The following EPB41L4A variants were observed in gnomAD, a reference collection of about 807,000 sequenced individuals.
EPB41L4A encodes band 4.1-like protein 4A.
EPB41L4A carries 100 observed loss-of-function variants against 108.6 expected under a neutral mutation model. The ratio of observed to expected loss-of-function variants is 0.92; its 90% confidence interval spans 0.78 to 1.09. EPB41L4A has a LOEUF of 1.09. Ranked by LOEUF, EPB41L4A falls within the 50% of genes least tolerant of loss-of-function variation. The pLI, the probability that EPB41L4A is intolerant of heterozygous loss-of-function variation, is 0.00. For synonymous variants in EPB41L4A, 319 were observed against 289.0 expected, an observed-to-expected ratio of 1.10 and a Z score of -1.05; for missense variants, 1,030 against 842.7, an observed-to-expected ratio of 1.22 and a Z score of -2.75.
chr5:112,418,049 CG>C (rs368012922), intron 1 of EPB41L4A, among the ~76,000 whole-genome samples: 6 of 149,840 alleles, frequency 4.0e-5, no homozygotes, highest in Admixed American at 1.3e-4. Context: ...AGAGCGGGGG[CG>C]GGGGGGCGGT....
At chr5:112,232,158 T>C (rs1580485767) in intron 12 of EPB41L4A, among the ~76,000 whole-genome samples, 1 of 149,496 alleles carries the variant, frequency 6.7e-6, no homozygotes, top group East Asian at 2.0e-4. Context: ...GAGATCCACC[T>C]GATGCTGGGA....
intron 1 of EPB41L4A, among the ~76,000 whole-genome samples, chr5:112,391,815 A>C (rs1760962898): frequency 6.6e-6 from 1 of 152,182 alleles, no homozygotes; most frequent in African/African-American, 2.4e-5. Flanking sequence ...AAAAATGTTA[A>C]GGGCAGTCAG....
intron 1 of EPB41L4A, among the ~76,000 whole-genome samples, chr5:112,356,920 T>A (rs759574973): frequency 2.0e-5 from 3 of 152,204 alleles, no homozygotes; most frequent in African/African-American, 7.2e-5. Flanking sequence ...TAAAATAAAA[T>A]AGACACAATA....
At chr5:112,229,904 T>A (rs1748747702) in intron 12 of EPB41L4A, among the ~76,000 whole-genome samples, 2 of 148,972 alleles carry the variant, frequency 1.3e-5, no homozygotes, top group African/African-American at 5.0e-5. Context: ...AGGAGAATGG[T>A]GTGAACCCAG....
intron 1 of EPB41L4A, among the ~76,000 whole-genome samples, chr5:112,374,953 G>C (rs1335099388): frequency 2.0e-5 from 3 of 152,086 alleles, no homozygotes; most frequent in Non-Finnish European, 2.9e-5. Context: ...TCAACATTCA[G>C]GTTCTCTTTG....
intron 9 of EPB41L4A, among the ~76,000 whole-genome samples, chr5:112,255,212 T>C (rs1037603775): frequency 2.1e-5 from 3 of 145,484 alleles, no homozygotes; most frequent in Non-Finnish European, 3.0e-5. Context: ...TTTCTGTTTA[T>C]TTCCCTTGTG....
intron 2 of EPB41L4A, among the ~76,000 whole-genome samples, chr5:112,305,309 A>G (rs1754615650): frequency 6.6e-6 from 1 of 152,156 alleles, no homozygotes; most frequent in African/African-American, 2.4e-5. Flanking sequence ...TGATGGTGGT[A>G]ATAATGGAGA....
intron 12 of EPB41L4A, among the ~76,000 whole-genome samples, chr5:112,154,927 A>G (rs993834473): frequency 6.6e-6 from 1 of 152,204 alleles, no homozygotes; most frequent in South Asian, 2.1e-4. Flanking sequence ...GTAAGGAACA[A>G]CTTCCTAACA....
At chr5:112,280,018 C>A (rs1252795241) in intron 3 of EPB41L4A, among the ~76,000 whole-genome samples, 1 of 152,158 alleles carries the variant, frequency 6.6e-6, no homozygotes, top group Non-Finnish European at 1.5e-5. Flanking sequence ...AGAAAAACCA[C>A]AGACAAAATC....
chr5:112,401,276 T>C (rs1264617975), intron 1 of EPB41L4A, among the ~76,000 whole-genome samples: 1 of 152,110 alleles, frequency 6.6e-6, no homozygotes, highest in Non-Finnish European at 1.5e-5. Context: ...CAGCAGACCT[T>C]CAGAGCTAGA....
At chr5:112,396,017 C>T (rs1359787281) in intron 1 of EPB41L4A, among the ~76,000 whole-genome samples, 2 of 152,092 alleles carry the variant, frequency 1.3e-5, no homozygotes, top group African/African-American at 2.4e-5. Flanking sequence ...CCAAACACCA[C>T]ATGTTCTCAC....
At chr5:112,308,821 T>G (rs1246745359) in intron 1 of EPB41L4A, among the ~76,000 whole-genome samples, 1 of 151,692 alleles carries the variant, frequency 6.6e-6, no homozygotes, top group Admixed American at 6.5e-5. Flanking sequence ...ATTCATTTGA[T>G]GAGAGTATAT....
chr5:112,262,752 T>A (rs1361282685), intron 6 of EPB41L4A, among the ~76,000 whole-genome samples, 171 bp from the exon 7 acceptor site: 6 of 152,260 alleles, frequency 3.9e-5, no homozygotes. Flanking sequence ...CAAAATTTTA[T>A]ACTCTGAAGT....
At position 112,280,268 on chromosome 5, in the gene EPB41L4A, C is replaced by T; in HGVS notation, c.256+4G>A. On this transcript the variant is annotated splice_donor_region_variant and intron_variant, in intron 3 of 22. Transcript: ENST00000261486. ...CTTTAACAAAGTAAAAGCTAAATAC[C>T]TACTGTTGATCAGTTCTTTGTGTTC... is the stretch of plus-strand genomic sequence containing the variant. The T allele has an allele frequency of 1.2e-6, 2 of 1,613,436 alleles. No homozygotes were observed. The highest frequency in any genetic ancestry group is 1.7e-6 in the Non-Finnish European group (2 of 1,179,406).
intron 1 of EPB41L4A, among the ~76,000 whole-genome samples, chr5:112,318,531 A>C (rs1270193376): frequency 6.6e-6 from 1 of 152,212 alleles, no homozygotes. Flanking sequence ...CAGGCCTGTG[A>C]ATGAACACAT....
chr5:112,176,466 C>G (rs868444026), intron 18 of EPB41L4A, among the ~76,000 whole-genome samples: 25 of 152,092 alleles, frequency 1.6e-4, no homozygotes, highest in African/African-American at 5.5e-4. Flanking sequence ...TCTCTCCCCC[C>G]CAAAACATTC....
chr5:112,210,512 G>C (rs1284288187), intron 12 of EPB41L4A, among the ~76,000 whole-genome samples: 4 of 152,156 alleles, frequency 2.6e-5, no homozygotes, highest in African/African-American at 9.7e-5. Context: ...ATTTTCAAAT[G>C]TGTTCTTCAT....
At position 112,275,321 on chromosome 5, in the gene EPB41L4A, T is replaced by G. The variant is rs1288251868; in HGVS notation, c.335+5A>C. ...ATCTGTTCAAAAACAAAGTCAATAC[T>G]ATACCTGGTTATTTCTTCTTTAAGT... On this transcript the variant is annotated splice_donor_5th_base_variant and intron_variant, in intron 4 of 22. Transcript: ENST00000261486. 1.3e-6 allele frequency: 2 copies of G among 1,544,466 alleles called. No individual in the cohort carries two copies. Among genetic ancestry groups the G allele is most frequent in the Non-Finnish European group, 1.8e-6 (2 of 1,139,256 alleles).
chr5:112,230,486 G>A (rs1748819218), intron 12 of EPB41L4A, among the ~76,000 whole-genome samples: 1 of 152,140 alleles, frequency 6.6e-6, no homozygotes, highest in Non-Finnish European at 1.5e-5. Context: ...CATTAGTGAT[G>A]TTGAGCATGT....
Sources: allele counts gnomAD v4.1 joint callset (sites outside exome capture counted in the v4.1 genomes callset), GRCh38; gene constraint gnomAD v4.1.1; transcripts MANE v1.5; gene names NCBI Gene and HGNC (gene_info 2026-07-23, HGNC 2026-07-21).